The following ENTHD1 variants were observed in gnomAD, a reference collection of about 807,000 sequenced individuals.
The protein encoded by ENTHD1 is ENTH domain containing 1.
In ENTHD1, 23 loss-of-function variants were observed where a neutral mutation model predicts 39.1. The ratio of observed to expected loss-of-function variants is 0.59; its 90% CI spans 0.42 to 0.83. ENTHD1 has a LOEUF of 0.83. ENTHD1 is among the 40% of genes least tolerant of loss of function. ENTHD1 has a pLI of 0.00. For synonymous variants in ENTHD1, 230 were observed against 258.2 expected, an observed-to-expected ratio of 0.89 and a Z score of 1.05; for missense variants, 624 against 705.4, an observed-to-expected ratio of 0.88 and a Z score of 1.31.
rs28633690 is a variant in ENTHD1, at chr22:39,880,511, G to A, written c.349+6889C>T. 1.7e-3 allele frequency among the ~76,000 whole-genome samples: 253 copies of A among 152,228 alleles called. 1 individual carries two copies. The highest frequency in any genetic ancestry group is 3.4e-3 in the Middle Eastern group (1 of 294). On this transcript the variant is annotated intron_variant, in intron 2 of 6. Coordinates refer to ENST00000325157, the MANE Select transcript of ENTHD1 (RefSeq NM_152512.4). ...AATGATACATAACTGTACGTTCATC[G>A]ATTGTAACAAATGTACCACTTTGGT...
At chr22:39,772,622 T>C (rs2065335858) in intron 5 of ENTHD1, among the ~76,000 whole-genome samples, 1 of 151,814 alleles carries the variant, frequency 6.6e-6, no homozygotes, top group African/African-American at 2.4e-5. Context: ...GAGAAAGTAA[T>C]AGAAAAATAG....
intron 1 of ENTHD1, among the ~76,000 whole-genome samples, chr22:39,890,454 T>C (rs2066418035): frequency 6.6e-6 from 1 of 152,138 alleles, no homozygotes; most frequent in South Asian, 2.1e-4. Flanking sequence ...CAAATATCGA[T>C]CTGTTTCTTC....
intron 1 of ENTHD1, among the ~76,000 whole-genome samples, chr22:39,888,773 G>C (rs1448124086): frequency 6.6e-6 from 1 of 150,728 alleles, no homozygotes; most frequent in African/African-American, 2.4e-5. Context: ...GTCTCAATAT[G>C]TTGCACAGGC....
intron 2 of ENTHD1, among the ~76,000 whole-genome samples, chr22:39,883,003 CAAA>C (rs58964198): frequency 6.2e-5 from 3 of 48,280 alleles, no homozygotes; most frequent in African/African-American, 6.5e-5. Flanking sequence ...GACTTCATCT[CAAA>C]AAAAAAAAAA....
intron 2 of ENTHD1, among the ~76,000 whole-genome samples, chr22:39,879,330 G>A (rs1316461628): frequency 6.6e-6 from 1 of 151,658 alleles, no homozygotes; most frequent in African/African-American, 2.4e-5. Flanking sequence ...CGGTGTGGTG[G>A]TGGGTACCTG....
intron 4 of ENTHD1, among the ~76,000 whole-genome samples, chr22:39,832,430 C>CA (rs548002344): frequency 2.1e-4 from 31 of 151,204 alleles, no homozygotes; most frequent in Admixed American, 4.6e-4. Flanking sequence ...AGATATGAAA[C>CA]AAAAAAAAGT....
rs778403003 is a variant in ENTHD1, at chr22:39,835,871, G to A, written c.680C>T (p.Pro227Leu). The change falls in exon 4 of 7, where the codon CCA becomes CTA. Residue 227 changes from proline to leucine, a missense_variant. Coordinates refer to ENST00000325157, the MANE Select transcript of ENTHD1 (RefSeq NM_152512.4). ...TGATTTCCAACCATGAATCTTGAGT[G>A]GAAGTGTTTCCTGGGACAACATAGT... is the stretch of plus-strand genomic sequence containing the variant. ...TETMLSQETL[P>L]LKIHGWKSTE... 2 of 1,609,164 alleles carry A rather than the reference G, an allele frequency of 1.2e-6. No homozygotes were observed. Among genetic ancestry groups the A allele is most frequent in the Admixed American group, 1.7e-5 (1 of 59,496 alleles).
intron 5 of ENTHD1, among the ~76,000 whole-genome samples, chr22:39,800,312 G>C (rs913251069): frequency 2.0e-5 from 3 of 152,188 alleles, no homozygotes; most frequent in Non-Finnish European, 2.9e-5. Flanking sequence ...TCTATGTGAA[G>C]TGTGATTATC....
intron 4 of ENTHD1, among the ~76,000 whole-genome samples, chr22:39,834,572 TTGAC>T (rs1297330910): frequency 5.3e-5 from 8 of 152,134 alleles, no homozygotes; most frequent in Admixed American, 5.2e-4. Flanking sequence ...GGAAAATAGT[TTGAC>T]TATTTTTGCA....
intron 3 of ENTHD1, among the ~76,000 whole-genome samples, chr22:39,852,648 T>C (rs2066052169): frequency 6.6e-6 from 1 of 152,182 alleles, no homozygotes; most frequent in Non-Finnish European, 1.5e-5. Context: ...TTGTATAGCA[T>C]ATTACTGTAC....
At chr22:39,772,877 A>T (rs1036447223) in intron 5 of ENTHD1, among the ~76,000 whole-genome samples, 2 of 152,136 alleles carry the variant, frequency 1.3e-5, no homozygotes, top group African/African-American at 4.8e-5. Flanking sequence ...ATTAGTAGAG[A>T]TAAAAAGGGA....
chr22:39,802,516 C>T (rs779855360), intron 5 of ENTHD1, among the ~76,000 whole-genome samples: 7 of 152,186 alleles, frequency 4.6e-5, no homozygotes, highest in Non-Finnish European at 8.8e-5. Context: ...CCTATTATCA[C>T]ACAAGGTAGG....
At chr22:39,879,070 GTGTT>G (rs1384777113) in intron 2 of ENTHD1, among the ~76,000 whole-genome samples, 2 of 151,892 alleles carry the variant, frequency 1.3e-5, no homozygotes, top group Non-Finnish European at 2.9e-5. Flanking sequence ...AGACGAAGGA[GTGTT>G]ATCTGAAATA....
At chr22:39,889,032 A>G (rs984821523) in intron 1 of ENTHD1, among the ~76,000 whole-genome samples, 5 of 152,248 alleles carry the variant, frequency 3.3e-5, no homozygotes, top group African/African-American at 9.6e-5. Context: ...AGGAGGATCA[A>G]CTATGAAGAC....
chr22:39,839,687 TA>T (rs1343950866), intron 3 of ENTHD1, among the ~76,000 whole-genome samples: 1 of 152,248 alleles, frequency 6.6e-6, no homozygotes, highest in East Asian at 1.9e-4. Flanking sequence ...ATCATCTATC[TA>T]CTTTCACTGG....
At chr22:39,893,626 G>C (rs904582039) in intron 1 of ENTHD1, 69 bp downstream of exon 1, 1 of 152,344 alleles carries the variant, frequency 6.6e-6, no homozygotes, top group African/African-American at 2.4e-5. Context: ...GAAACGGGAG[G>C]AGGGAAGGCA....
chr22:39,768,412 G>C (rs537430304), intron 5 of ENTHD1, among the ~76,000 whole-genome samples: 1 of 152,066 alleles, frequency 6.6e-6, no homozygotes, highest in East Asian at 1.9e-4. Context: ...TGTTAACACA[G>C]GGCTCTTGAC....
At chr22:39,771,129 T>G (rs1236472763) in intron 5 of ENTHD1, among the ~76,000 whole-genome samples, 1 of 152,204 alleles carries the variant, frequency 6.6e-6, no homozygotes, top group Non-Finnish European at 1.5e-5. Flanking sequence ...TGTTTTTGTA[T>G]TAAATTCTGT....
intron 3 of ENTHD1, among the ~76,000 whole-genome samples, chr22:39,842,793 G>A (rs1320269972): frequency 6.7e-6 from 1 of 148,284 alleles, no homozygotes; most frequent in Non-Finnish European, 1.5e-5. Flanking sequence ...TCAAAAAGTG[G>A]GCAAAGGACA....
Sources: gnomAD v4.1 joint callset for allele counts (sites outside exome capture counted in the v4.1 genomes callset) on GRCh38, gnomAD v4.1.1 for gene constraint, MANE v1.5 for transcripts, NCBI Gene and HGNC (gene_info 2026-07-23, HGNC 2026-07-21) for gene names.